Variants in SAMD4A observed in about 807,000 individuals in gnomAD.
SAMD4A encodes the protein sterile alpha motif domain containing 4A, also known as protein Smaug homolog 1.
Under a neutral mutation model 81.3 loss-of-function variants are expected in SAMD4A, and 33 were observed. The observed-to-expected ratio is 0.41, with a 90% CI of 0.31 to 0.54. The LOEUF (loss-of-function observed/expected upper bound fraction) is 0.54. Among genes scored for constraint, SAMD4A ranks in the 20% least tolerant of loss-of-function variants. The pLI is 0.37. For synonymous variants in SAMD4A, 389 were observed against 382.1 expected (o/e 1.02, Z -0.21); for missense variants, 854 against 951.1 (o/e 0.90, Z 1.34).
At chr14:54,737,953 C>G (rs904428274) in intron 4 of SAMD4A, among the ~76,000 whole-genome samples, 7 of 43,764 alleles carry the variant, frequency 1.6e-4, no homozygotes, top group African/African-American at 5.4e-4. Context: ...TGAATCTACC[C>G]TCTTCTAAAA....
Position 54,772,369 on chromosome 14 carries a change from A to G in SAMD4A, c.1715+2147A>G, listed in dbSNP as rs115397682. Among the ~76,000 whole-genome samples the G allele has an allele frequency of 3.5e-3, 535 of 152,368 alleles. 4 individuals carry two copies. The highest frequency in any genetic ancestry group is 0.012 in the African/African-American group (507 of 41,586). On this transcript the variant is annotated intron_variant, in intron 9 of 12. Coordinates refer to ENST00000554335, the MANE Select transcript of SAMD4A (RefSeq NM_015589.6). ...CCTAGCGATCTTAAGTAACCCAAGC[A>G]TTCACTCTGGTTGCCAGCAGTGGCA...
At chr14:54,666,405 A>G (rs1193429515) in intron 2 of SAMD4A, among the ~76,000 whole-genome samples, 1 of 152,160 alleles carries the variant, frequency 6.6e-6, no homozygotes, top group African/African-American at 2.4e-5. Context: ...ACCCATATCC[A>G]TACATACTGA....
At chr14:54,734,847 C>T (rs2140917867) in intron 3 of SAMD4A, 1 of 152,332 alleles carries the variant, frequency 6.6e-6, no homozygotes, top group African/African-American at 2.4e-5. Context: ...GTTACCTATT[C>T]AGTTATGGCC....
At chr14:54,788,864 A>G in intron 12 of SAMD4A, 52 bp from the exon 13 acceptor site, 1 of 1,613,496 alleles carries the variant, frequency 6.2e-7, no homozygotes. Flanking sequence ...GGTGGGCACG[A>G]ACTGGATTGT....
chr14:54,770,438 AAC>A (rs1317729281), intron 9 of SAMD4A, among the ~76,000 whole-genome samples: 4 of 152,256 alleles, frequency 2.6e-5, no homozygotes, highest in African/African-American at 9.6e-5. Context: ...GAGCTTTTGT[AAC>A]ACAGTTTGCA....
intron 2 of SAMD4A, among the ~76,000 whole-genome samples, chr14:54,605,653 T>G (rs1451535695): frequency 6.6e-6 from 1 of 152,210 alleles, no homozygotes; most frequent in Non-Finnish European, 1.5e-5. Flanking sequence ...GCATTGTTTT[T>G]TTATAAATAT....
At chr14:54,788,694 A>G (rs1207342168) in intron 12 of SAMD4A, among the ~76,000 whole-genome samples, 1 of 152,210 alleles carries the variant, frequency 6.6e-6, no homozygotes, top group Non-Finnish European at 1.5e-5. Context: ...TGAGGATTAG[A>G]TATTTTCATC....
chr14:54,789,156 C>A lies in SAMD4A; in HGVS notation c.*212C>A. The A allele has an allele frequency of 3.5e-6, 2 of 571,428 alleles. No individual in the cohort carries two copies. The highest frequency in any genetic ancestry group is 2.6e-5 in the Admixed American group (1 of 39,112). 35.4% of individuals were successfully genotyped at this position (571,428 alleles called of 1,614,324 possible). ...TGGTTATTTTGTCATTTGTTTCTGT[C>A]ATGGGATGGTTTGGTGTGTGGGGTG... On this transcript the variant is annotated 3_prime_UTR_variant, in exon 13 of 13. Coordinates refer to ENST00000554335, the MANE Select transcript of SAMD4A (RefSeq NM_015589.6).
chr14:54,685,493 C>G (rs946092081), intron 2 of SAMD4A, among the ~76,000 whole-genome samples: 1 of 152,180 alleles, frequency 6.6e-6, no homozygotes, highest in Non-Finnish European at 1.5e-5. Context: ...TGTTGTTTAC[C>G]TATTCATCTG....
At chr14:54,589,487 G>A (rs1267873014) in intron 2 of SAMD4A, among the ~76,000 whole-genome samples, 1 of 152,112 alleles carries the variant, frequency 6.6e-6, no homozygotes, top group Non-Finnish European at 1.5e-5. Flanking sequence ...TCAACTATGA[G>A]CAAAATTATG....
At chr14:54,607,729 C>T (rs7143769) in intron 2 of SAMD4A, among the ~76,000 whole-genome samples, 19,252 of 152,094 alleles carry the variant, frequency 0.13, 1,665 homozygotes, top group East Asian at 0.39. Flanking sequence ...GCTGGGATTA[C>T]AGGCGTGAGC....
At chr14:54,592,426 C>T (rs1384745209) in intron 2 of SAMD4A, among the ~76,000 whole-genome samples, 4 of 152,062 alleles carry the variant, frequency 2.6e-5, no homozygotes, top group African/African-American at 7.2e-5. Context: ...TGCTTATTAC[C>T]GAAGTGAAAC....
chr14:54,746,752 TG>T (rs1444018136), intron 4 of SAMD4A, among the ~76,000 whole-genome samples: 1 of 152,236 alleles, frequency 6.6e-6, no homozygotes, highest in Non-Finnish European at 1.5e-5. Flanking sequence ...CCTTCTCTTT[TG>T]TGATGAATTG....
chr14:54,677,564 G>A (rs992492713), intron 2 of SAMD4A, among the ~76,000 whole-genome samples: 2 of 152,146 alleles, frequency 1.3e-5, no homozygotes, highest in Admixed American at 6.5e-5. Flanking sequence ...AATGGAAATC[G>A]TAGTTCCAAG....
At chr14:54,648,836 G>C (rs1389901930) in intron 2 of SAMD4A, among the ~76,000 whole-genome samples, 1 of 152,180 alleles carries the variant, frequency 6.6e-6, no homozygotes, top group Non-Finnish European at 1.5e-5. Flanking sequence ...GCGGCACAGA[G>C]AGTAATGAAA....
At position 54,791,558 on chromosome 14, in the gene SAMD4A, T is replaced by C. The variant is rs1167645622; in HGVS notation, c.*2614T>C. ...CTGGTAACCATGATAAAGTCTGTTA[T>C]TAATAACAACATAATTCTTTTTTTA... is the stretch of plus-strand genomic sequence containing the variant. On this transcript the variant is annotated 3_prime_UTR_variant, in exon 13 of 13. Transcript: ENST00000554335. The C allele has an allele frequency of 6.6e-6, 1 of 152,178 alleles. No homozygotes were observed. Among genetic ancestry groups the C allele is most frequent in the African/African-American group, 2.4e-5 (1 of 41,468 alleles). The allele number at this position is 152,178 out of a possible 1,614,324, so 9.4% of individuals were successfully genotyped here. A position where few individuals can be genotyped will look rare whatever the true frequency, so the allele number is the denominator to read the frequency against.
At chr14:54,760,031 C>A in intron 6 of SAMD4A, 130 bp from the exon 7 acceptor site, 1 of 912,068 alleles carries the variant, frequency 1.1e-6, no homozygotes, top group Non-Finnish European at 1.7e-6. Flanking sequence ...TCCCTTTTCC[C>A]AAAAACGTCC....
At chr14:54,680,000 G>T (rs1477573032) in intron 2 of SAMD4A, among the ~76,000 whole-genome samples, 1 of 152,200 alleles carries the variant, frequency 6.6e-6, no homozygotes, top group Non-Finnish European at 1.5e-5. Context: ...TGTGCATCAA[G>T]AAAAGATGGA....
chr14:54,593,644 T>A (rs552461475), intron 2 of SAMD4A, among the ~76,000 whole-genome samples: 1 of 152,164 alleles, frequency 6.6e-6, no homozygotes, highest in Admixed American at 6.5e-5. Flanking sequence ...TAATTTTGAT[T>A]GAAAAATGGC....
Sources: gnomAD v4.1 joint callset for allele counts (sites outside exome capture counted in the v4.1 genomes callset) on GRCh38, gnomAD v4.1.1 for gene constraint, MANE v1.5 for transcripts, NCBI Gene and HGNC (gene_info 2026-07-23, HGNC 2026-07-21) for gene names.